GLIS3: variants seen among roughly 807,000 people sequenced by gnomAD.
The protein encoded by GLIS3 is zinc finger protein GLIS3.
Under a neutral mutation model 78.6 loss-of-function variants are expected in GLIS3, and 53 were observed. The observed-to-expected ratio is 0.67, with a 90% CI of 0.54 to 0.85. The LOEUF (loss-of-function observed/expected upper bound fraction) is 0.85. GLIS3 is among the 40% of genes least tolerant of loss of function. The pLI, the probability that GLIS3 is intolerant of heterozygous loss-of-function variation, is 0.00. For synonymous variants in GLIS3, 684 were observed against 509.9 expected (o/e 1.34, Z -4.60); for missense variants, 1,703 against 1,231.1 (o/e 1.38, Z -5.74).
intron 4 of GLIS3, among the ~76,000 whole-genome samples, chr9:4,102,188 C>A (rs1034511303): frequency 2.0e-5 from 3 of 152,106 alleles, no homozygotes; most frequent in African/African-American, 4.8e-5. Flanking sequence ...AAGAAAACCC[C>A]AGGGTCAACT....
At chr9:4,197,633 C>T (rs957058359) in intron 2 of GLIS3, among the ~76,000 whole-genome samples, 8 of 152,208 alleles carry the variant, frequency 5.3e-5, no homozygotes, top group Admixed American at 3.9e-4. Context: ...CAGTCCTGCC[C>T]TGCCCATCTT....
the GLIS3 span, among the ~76,000 whole-genome samples, chr9:4,364,251 C>G: frequency 6.6e-6 from 1 of 152,218 alleles, no homozygotes; most frequent in Non-Finnish European, 1.5e-5. Flanking sequence ...CCCCAAATCT[C>G]TGTAGACCTT....
chr9:4,296,872 T>C (rs1401298344), intron 1 of GLIS3, among the ~76,000 whole-genome samples: 1 of 140,552 alleles, frequency 7.1e-6, no homozygotes, highest in Non-Finnish European at 1.5e-5. Context: ...CGGTTATAGA[T>C]GATCCTTACA....
chr9:4,027,636 C>T (rs562779717), intron 4 of GLIS3, among the ~76,000 whole-genome samples: 37 of 152,278 alleles, frequency 2.4e-4, no homozygotes, highest in Admixed American at 2.0e-3. Flanking sequence ...CCATAAATAA[C>T]ATGTACTGTG....
chr9:4,212,376 T>C (rs1165529572), intron 2 of GLIS3, among the ~76,000 whole-genome samples: 1 of 152,162 alleles, frequency 6.6e-6, no homozygotes, highest in Non-Finnish European at 1.5e-5. Flanking sequence ...CATTCATTCA[T>C]TAAGAAAAGA....
At chr9:4,140,802 C>CTTT (rs34672153) in intron 2 of GLIS3, among the ~76,000 whole-genome samples, 1 of 148,696 alleles carries the variant, frequency 6.7e-6, no homozygotes, top group Non-Finnish European at 1.5e-5. Flanking sequence ...TTGAATTTAT[C>CTTT]TTTTTTTTTT....
At chr9:4,175,606 G>A (rs1473865662) in intron 2 of GLIS3, among the ~76,000 whole-genome samples, 5 of 152,146 alleles carry the variant, frequency 3.3e-5, no homozygotes, top group African/African-American at 1.2e-4. Flanking sequence ...TGGCAATGCT[G>A]GAATGATCTA....
At chr9:4,029,606 C>G (rs1175496295) in intron 4 of GLIS3, among the ~76,000 whole-genome samples, 2 of 151,906 alleles carry the variant, frequency 1.3e-5, no homozygotes, top group Non-Finnish European at 2.9e-5. Context: ...AAGCCCCCCA[C>G]CACCCTTCTC....
intron 4 of GLIS3, among the ~76,000 whole-genome samples, chr9:4,012,216 T>C (rs1361996507): frequency 4.6e-5 from 7 of 152,192 alleles, no homozygotes; most frequent in Non-Finnish European, 1.0e-4. Context: ...GTGTTTTCCA[T>C]AGCTCAGATG....
At chr9:4,366,417 G>C in the GLIS3 span, among the ~76,000 whole-genome samples, 1 of 152,130 alleles carries the variant, frequency 6.6e-6, no homozygotes, top group Non-Finnish European at 1.5e-5. Context: ...GGGATGGGAG[G>C]AAAGGAGGCC....
At chr9:3,943,391 T>C (rs1000163594) in intron 4 of GLIS3, among the ~76,000 whole-genome samples, 4 of 152,262 alleles carry the variant, frequency 2.6e-5, no homozygotes, top group African/African-American at 9.6e-5. Context: ...CTATATATTC[T>C]TGCTTTGCAA....
chr9:3,917,936 A>G (rs1310136389), intron 6 of GLIS3, among the ~76,000 whole-genome samples: 1 of 152,194 alleles, frequency 6.6e-6, no homozygotes, highest in East Asian at 1.9e-4. Flanking sequence ...GAAAAGAATG[A>G]TTGTATTGGC....
chr9:4,389,457 C>T, the GLIS3 span, among the ~76,000 whole-genome samples: 5 of 152,118 alleles, frequency 3.3e-5, no homozygotes, highest in South Asian at 4.1e-4. Context: ...CATAGAGCCA[C>T]GTGGGACTTC....
chr9:4,486,863 TA>T, the GLIS3 span, among the ~76,000 whole-genome samples: 4 of 152,098 alleles, frequency 2.6e-5, no homozygotes, highest in Admixed American at 6.6e-5. Flanking sequence ...GTTATTTATT[TA>T]TTTTTTTAAG....
chr9:4,380,703 C>A, the GLIS3 span, among the ~76,000 whole-genome samples: 6 of 152,118 alleles, frequency 3.9e-5, no homozygotes, highest in African/African-American at 1.4e-4. Flanking sequence ...AAACACTGGT[C>A]ATTACCAATC....
intron 4 of GLIS3, among the ~76,000 whole-genome samples, chr9:4,013,826 C>T (rs905531192): frequency 6.6e-5 from 10 of 152,164 alleles, no homozygotes; most frequent in Non-Finnish European, 1.0e-4. Flanking sequence ...GATGATCCAA[C>T]TGTGAAGGGA....
intron 4 of GLIS3, among the ~76,000 whole-genome samples, chr9:4,050,381 G>C (rs1825649253): frequency 6.6e-6 from 1 of 152,100 alleles, no homozygotes; most frequent in South Asian, 2.1e-4. Context: ...CTCACTCACA[G>C]GTGGGAATTG....
At chr9:3,836,106 G>C (rs948904683) in intron 9 of GLIS3, among the ~76,000 whole-genome samples, 1 of 152,238 alleles carries the variant, frequency 6.6e-6, no homozygotes, top group African/African-American at 2.4e-5. Flanking sequence ...GGCCCTGTCT[G>C]CTGATGGCAG....
intron 4 of GLIS3, among the ~76,000 whole-genome samples, chr9:3,939,417 G>A (rs945024442): frequency 6.6e-6 from 1 of 152,162 alleles, no homozygotes; most frequent in Non-Finnish European, 1.5e-5. Context: ...CCAGTTAAAT[G>A]TCCACTTGAA....
Sources: allele counts gnomAD v4.1 joint callset (sites outside exome capture counted in the v4.1 genomes callset), GRCh38; gene constraint gnomAD v4.1.1; transcripts MANE v1.5; gene names NCBI Gene and HGNC (gene_info 2026-07-23, HGNC 2026-07-21).